The following ROBO2 variants were observed in gnomAD, a reference collection of about 807,000 sequenced individuals.
The protein encoded by ROBO2 is roundabout homolog 2.
In ROBO2, 53 loss-of-function variants were observed where a neutral mutation model predicts 160.8. The ratio of observed to expected loss-of-function variants is 0.33; its 90% CI spans 0.26 to 0.41. The LOEUF (loss-of-function observed/expected upper bound fraction) is 0.41, where lower values mean the gene tolerates loss of function less well. Among genes scored for constraint, ROBO2 ranks in the 10% least tolerant of loss-of-function variants. The pLI, the probability that ROBO2 is intolerant of heterozygous loss-of-function variation, is 1.00. For missense variants in ROBO2, 1,577 were observed against 1,722.4 expected (o/e 0.92, Z 1.49); for synonymous variants, 664 against 611.7 (o/e 1.09, Z -1.26).
At chr3:77,389,378 C>A (rs2074473749) in intron 2 of ROBO2, among the ~76,000 whole-genome samples, 1 of 152,050 alleles carries the variant, frequency 6.6e-6, no homozygotes, top group Non-Finnish European at 1.5e-5. Flanking sequence ...TTTGTACTAG[C>A]CACATTTTAA....
chr3:75,924,253 A>T (rs981389907), intron 1 of ROBO2, among the ~76,000 whole-genome samples: 3 of 152,100 alleles, frequency 2.0e-5, no homozygotes, highest in Non-Finnish European at 4.4e-5. Flanking sequence ...TGGAGAGATT[A>T]TCCTGAATTA....
intron 2 of ROBO2, among the ~76,000 whole-genome samples, chr3:76,387,694 G>C (rs890467826): frequency 6.6e-6 from 1 of 152,168 alleles, no homozygotes; most frequent in African/African-American, 2.4e-5. Context: ...TAAGCAACTT[G>C]TTTAAGGTTA....
intron 2 of ROBO2, among the ~76,000 whole-genome samples, chr3:76,552,091 T>C (rs2083456986): frequency 6.6e-6 from 1 of 152,242 alleles, no homozygotes; most frequent in Non-Finnish European, 1.5e-5. Flanking sequence ...ATTGCATCTG[T>C]CTTTTTCTTA....
chr3:76,167,443 A>G (rs907361819), intron 2 of ROBO2, among the ~76,000 whole-genome samples: 2 of 152,154 alleles, frequency 1.3e-5, no homozygotes, highest in Non-Finnish European at 2.9e-5. Flanking sequence ...TCCCTAGACA[A>G]TGTCCCTCTG....
chr3:76,044,018 T>G (rs1180743496), intron 2 of ROBO2, among the ~76,000 whole-genome samples: 3 of 152,056 alleles, frequency 2.0e-5, no homozygotes, highest in Non-Finnish European at 4.4e-5. Context: ...AATACCCTTT[T>G]GTTGGTGCTA....
At chr3:75,931,345 A>T (rs1432285243) in intron 1 of ROBO2, among the ~76,000 whole-genome samples, 1 of 152,072 alleles carries the variant, frequency 6.6e-6, no homozygotes, top group East Asian at 1.9e-4. Context: ...ATCCAAATTA[A>T]TATTTCTTTT....
At chr3:76,058,370 G>T (rs941000274) in intron 2 of ROBO2, among the ~76,000 whole-genome samples, 8 of 151,702 alleles carry the variant, frequency 5.3e-5, no homozygotes, top group African/African-American at 1.5e-4. Context: ...TTTCTGTAAA[G>T]AACATTTTTA....
At chr3:77,015,920 A>G (rs1578266381) in intron 2 of ROBO2, among the ~76,000 whole-genome samples, 1 of 152,180 alleles carries the variant, frequency 6.6e-6, no homozygotes, top group Non-Finnish European at 1.5e-5. Context: ...TATTAATGCC[A>G]TAATCTTTTG....
intron 2 of ROBO2, among the ~76,000 whole-genome samples, chr3:77,410,495 CTCCTCCTCT>C (rs1376041798): frequency 3.6e-4 from 52 of 145,638 alleles, no homozygotes; most frequent in African/African-American, 1.0e-3. Flanking sequence ...TTCTTTCCTC[CTCCTCCTCT>C]TCCTCCTCTT....
intron 2 of ROBO2, among the ~76,000 whole-genome samples, chr3:77,268,250 C>T (rs1410780509): frequency 6.6e-6 from 1 of 152,052 alleles, no homozygotes; most frequent in East Asian, 1.9e-4. Flanking sequence ...AAATATGGAA[C>T]ATATGCTCAA....
intron 2 of ROBO2, among the ~76,000 whole-genome samples, chr3:76,636,119 A>T (rs2090317125): frequency 6.6e-6 from 1 of 152,212 alleles, no homozygotes; most frequent in Non-Finnish European, 1.5e-5. Context: ...GATTATACAT[A>T]ATATTATGTA....
intron 2 of ROBO2, among the ~76,000 whole-genome samples, chr3:76,720,270 G>C (rs2093444417): frequency 6.6e-6 from 1 of 152,084 alleles, no homozygotes; most frequent in Non-Finnish European, 1.5e-5. Context: ...GAATTTCCCA[G>C]CCTCCTGAAA....
At chr3:77,202,842 C>G (rs2151029356) in intron 2 of ROBO2, among the ~76,000 whole-genome samples, 1 of 152,284 alleles carries the variant, frequency 6.6e-6, no homozygotes, top group Non-Finnish European at 1.5e-5. Context: ...TTCACCTTCT[C>G]AAGATCACAT....
chr3:75,938,676 G>T (rs1358701348), intron 2 of ROBO2, among the ~76,000 whole-genome samples: 1 of 152,052 alleles, frequency 6.6e-6, no homozygotes, highest in Non-Finnish European at 1.5e-5. Context: ...CCTTCAAAAA[G>T]AGCAGTTTTC....
intron 5 of ROBO2, 31 bp downstream of exon 5, chr3:77,493,413 A>G (rs2153600592): frequency 1.9e-6 from 3 of 1,611,370 alleles, no homozygotes; most frequent in Middle Eastern, 1.7e-4. Flanking sequence ...GAAGATTGTT[A>G]GATAACCAAT....
intron 6 of ROBO2, 54 bp downstream of exon 7, chr3:77,527,468 CTCATGCAT>C: frequency 8.5e-7 from 1 of 1,176,016 alleles, no homozygotes; most frequent in Admixed American, 2.6e-5. Context: ...TGCTTCATAA[CTCATGCAT>C]AGTAAGATTT....
intron 2 of ROBO2, among the ~76,000 whole-genome samples, chr3:76,673,612 A>G (rs2092327666): frequency 6.6e-6 from 1 of 152,168 alleles, no homozygotes; most frequent in Admixed American, 6.5e-5. Context: ...CAAAACAATT[A>G]TGCGTCAACT....
At chr3:76,057,939 A>T (rs1326628157) in intron 2 of ROBO2, among the ~76,000 whole-genome samples, 1 of 152,208 alleles carries the variant, frequency 6.6e-6, no homozygotes, top group African/African-American at 2.4e-5. Flanking sequence ...GGTAGTTAAA[A>T]ATACAGTACA....
intron 2 of ROBO2, among the ~76,000 whole-genome samples, chr3:76,966,234 C>T (rs1451637436): frequency 6.6e-6 from 1 of 152,010 alleles, no homozygotes; most frequent in Non-Finnish European, 1.5e-5. Context: ...TATTTTCTAT[C>T]TGACTCATAA....
Sources: allele counts gnomAD v4.1 joint callset (sites outside exome capture counted in the v4.1 genomes callset), GRCh38; gene constraint gnomAD v4.1.1; transcripts MANE v1.5; gene names NCBI Gene and HGNC (gene_info 2026-07-23, HGNC 2026-07-21).